The following SH3BP2 variants were observed in gnomAD, a reference collection of about 807,000 sequenced individuals.
SH3BP2 encodes the protein SH3 domain-binding protein 2.
Under a neutral mutation model 56.2 loss-of-function variants are expected in SH3BP2, and 38 were observed. That is an observed-to-expected ratio of 0.68 (90% CI 0.52 to 0.89). SH3BP2 has a LOEUF of 0.89. SH3BP2 is among the 40% of genes least tolerant of loss of function. The pLI is 0.00. For missense variants in SH3BP2, 748 were observed against 762.6 expected (o/e 0.98, Z 0.23); for synonymous variants, 346 against 316.7 (o/e 1.09, Z -0.98).
intron 1 of SH3BP2, among the ~76,000 whole-genome samples, chr4:2,806,658 C>T (rs1057459910): frequency 4.6e-5 from 7 of 152,206 alleles, no homozygotes; most frequent in African/African-American, 9.6e-5. Context: ...CCTGGAAGCC[C>T]GCCCTGGCCT....
At chr4:2,812,820 C>T (rs1040276714) in intron 1 of SH3BP2, among the ~76,000 whole-genome samples, 1 of 151,104 alleles carries the variant, frequency 6.6e-6, no homozygotes, top group Non-Finnish European at 1.5e-5. Flanking sequence ...ATACAGCCTG[C>T]AGGGTGGCCT....
intron 1 of SH3BP2, chr4:2,818,974 G>A (rs1305251498): frequency 3.4e-6 from 3 of 879,526 alleles, no homozygotes; most frequent in Non-Finnish European, 1.4e-6. Context: ...CAGCTCAGTT[G>A]CCCAGACTGG....
chr4:2,827,699 G>A, intron 7 of SH3BP2, 25 bp downstream of exon 7: 1 of 1,505,012 alleles, frequency 6.6e-7, no homozygotes, highest in South Asian at 1.2e-5. Flanking sequence ...TGGGCCCGGG[G>A]AGCTCTGGGT....
In SH3BP2 at chr4:2,838,173, A is replaced by G. The variant is rs1725300296; in HGVS notation, c.*4339A>G. ...AAAGTGAATAAAACATAAATGCACAACCTAACACACTGTTAGGAAGTGAAC... is the reference window on the plus strand; with the variant it reads ...AAAGTGAATAAAACATAAATGCACAGCCTAACACACTGTTAGGAAGTGAAC... On this transcript the variant is annotated 3_prime_UTR_variant, in exon 13 of 13. Transcript: ENST00000503393. 6.6e-6 allele frequency: 1 copy of G among 152,214 alleles called. No individual in the cohort carries two copies. The allele number at this position is 152,214 out of a possible 1,614,324, so 9.4% of individuals were successfully genotyped here. A position where few individuals can be genotyped will look rare whatever the true frequency, so the allele number is the denominator to read the frequency against.
intron 5 of SH3BP2, among the ~76,000 whole-genome samples, chr4:2,825,541 C>T (rs903316539): frequency 6.6e-6 from 1 of 151,996 alleles, no homozygotes; most frequent in Non-Finnish European, 1.5e-5. Flanking sequence ...CATGCACACA[C>T]ACACAGCAAC....
chr4:2,805,036 C>T (rs558731041), intron 1 of SH3BP2, among the ~76,000 whole-genome samples: 29 of 152,358 alleles, frequency 1.9e-4, no homozygotes, highest in Non-Finnish European at 2.5e-4. Context: ...GCCCTCCTAT[C>T]ACAAGAGGTG....
intron 11 of SH3BP2, 61 bp from the exon 12 acceptor site, chr4:2,832,929 C>T (rs1577372444): frequency 7.8e-6 from 12 of 1,531,512 alleles, no homozygotes; most frequent in Non-Finnish European, 1.1e-5. Context: ...AGCCCATGGT[C>T]TCCCGAGGCT....
chr4:2,801,857 C>T (rs1723294683), intron 1 of SH3BP2, among the ~76,000 whole-genome samples: 1 of 152,238 alleles, frequency 6.6e-6, no homozygotes, highest in Admixed American at 6.5e-5. Flanking sequence ...CCTGTAATCC[C>T]AGCACTTTGG....
intron 1 of SH3BP2, chr4:2,798,986 G>T: frequency 2.0e-6 from 2 of 985,758 alleles, no homozygotes; most frequent in Non-Finnish European, 2.4e-6. Flanking sequence ...CCCCCCAGGA[G>T]CTGCACGCAG....
In SH3BP2 at chr4:2,829,140, T is replaced by A. The variant is rs1457360977; in HGVS notation, c.587-353T>A. Among the ~76,000 whole-genome samples, 2 of 152,168 alleles carry A rather than the reference T, an allele frequency of 1.3e-5. No individual in the cohort carries two copies. Among genetic ancestry groups the A allele is most frequent in the Non-Finnish European group, 2.9e-5 (2 of 68,020 alleles). The stretch of plus-strand genomic sequence containing the variant: ...TGCTCCCCTCCCCTGTCCTTGGGAA[T>A]TCCGTCCTCCCTCTCGCTCCAGCCG... On this transcript the variant is annotated intron_variant, in intron 7 of 12. Coordinates refer to ENST00000503393, the MANE Select transcript of SH3BP2 (RefSeq NM_001122681.2). The surrounding 1 kb of genome is among the most constrained non-coding windows in gnomAD (Gnocchi z 4.9).
At chr4:2,832,100 C>T in intron 10 of SH3BP2, 122 bp downstream of exon 10, 1 of 1,127,434 alleles carries the variant, frequency 8.9e-7, no homozygotes, top group Non-Finnish European at 1.3e-6. Context: ...CTGCGTGCAG[C>T]AGAAACCAGA....
At position 2,836,920 on chromosome 4, in the gene SH3BP2, C is replaced by T. The variant is rs1479486237; in HGVS notation, c.*3086C>T. On this transcript the variant is annotated 3_prime_UTR_variant, in exon 13 of 13. Transcript: ENST00000503393. ...TCAGTTCTGGGGCTTGGGAAAAGGG[C>T]CCCAGTGGCTTTGGGAAGCACCCCC... 1.3e-5 allele frequency: 2 copies of T among 152,236 alleles called. No individual in the cohort carries two copies. Among genetic ancestry groups the T allele is most frequent in the African/African-American group, 4.8e-5 (2 of 41,458 alleles). The allele number at this position is 152,236 out of a possible 1,614,324, so 9.4% of individuals were successfully genotyped here. A position where few individuals can be genotyped will look rare whatever the true frequency, so the allele number is the denominator to read the frequency against.
intron 8 of SH3BP2, among the ~76,000 whole-genome samples, chr4:2,830,550 CAG>C (rs987238298): frequency 2.6e-5 from 4 of 152,142 alleles, no homozygotes; most frequent in Admixed American, 6.5e-5. Context: ...TTAGTAGAGA[CAG>C]GGGTTTCACT....
At chr4:2,830,868 G>C (rs1724947750) in intron 8 of SH3BP2, among the ~76,000 whole-genome samples, 1 of 152,218 alleles carries the variant, frequency 6.6e-6, no homozygotes, top group Non-Finnish European at 1.5e-5. Context: ...GAATGCCCTT[G>C]CCCACGGTGC....
In SH3BP2 at chr4:2,838,505, T is replaced by C. The variant is rs1725310110; in HGVS notation, c.*4671T>C. Reference sequence around the variant, plus strand: ...TTCATTGCTAAAAACTTCCATTGTTTGGCTGTATCGTAGTTCACAGATTCA... The same window carrying C: ...TTCATTGCTAAAAACTTCCATTGTTCGGCTGTATCGTAGTTCACAGATTCA... On this transcript the variant is annotated 3_prime_UTR_variant, in exon 13 of 13. Coordinates refer to ENST00000503393, the MANE Select transcript of SH3BP2 (RefSeq NM_001122681.2). The C allele has an allele frequency of 6.6e-6, 1 of 152,244 alleles. No individual in the cohort carries two copies. Among genetic ancestry groups the C allele is most frequent in the Non-Finnish European group, 1.5e-5 (1 of 68,040 alleles). The allele number at this position is 152,244 out of a possible 1,614,324, so 9.4% of individuals were successfully genotyped here.
rs747966569 is a variant in SH3BP2 at position 2,829,892 on chromosome 4, G to A, written c.986G>A (p.Arg329Lys). The A allele has an allele frequency of 6.2e-7, 1 of 1,613,798 alleles. No individual in the cohort carries two copies. The highest frequency in any genetic ancestry group is 1.3e-5 in the African/African-American group (1 of 74,936). Residue 329 changes from arginine to lysine, a missense_variant, in exon 8 of 13, where the codon AGA becomes AAA. Coordinates refer to ENST00000503393, the MANE Select transcript of SH3BP2 (RefSeq NM_001122681.2). The surrounding 1 kb of genome is among the most constrained non-coding windows in gnomAD (Gnocchi z 4.9). ...GCCATCATGGCCACTGCCACCTCCA[G>A]AAACTGTGACAAACTCAAGTCCTTC... ...SAAIMATATS[R>K]NCDKLKSFHL...
intron 3 of SH3BP2, among the ~76,000 whole-genome samples, chr4:2,823,736 T>C (rs947158118): frequency 5.3e-5 from 8 of 152,206 alleles, no homozygotes; most frequent in Non-Finnish European, 1.0e-4. Flanking sequence ...TTACCACCCC[T>C]TAAGGGCCCA....
At chr4:2,826,886 C>A in intron 5 of SH3BP2, 1 of 508,902 alleles carries the variant, frequency 2.0e-6, no homozygotes, top group Non-Finnish European at 3.8e-6. Flanking sequence ...CATGTCTGCG[C>A]GTGTCCCTGT....
In SH3BP2 at chr4:2,826,295, CTCTGTGTGTGTGT is replaced by C. The variant is rs1724616962; in HGVS notation, c.429-934_429-922del. The C allele has an allele frequency of 5.7e-5, 2 of 34,846 alleles. 1 individual carries two copies. The highest frequency in any genetic ancestry group is 7.9e-4 in the Admixed American group (2 of 2,520). The allele number at this position is 34,846 out of a possible 1,614,324, so 2.2% of individuals were successfully genotyped here. ...TGTGTGTGTGCATGTCCGCGTGTTG[CTCTGTGTGTGTGT>C]GTGCAATGTCCACGTGTTGCTCTGT... On this transcript the variant is annotated intron_variant, in intron 5 of 12. Transcript: ENST00000503393.
Sources: gnomAD v4.1 joint callset for allele counts (sites outside exome capture counted in the v4.1 genomes callset) on GRCh38, gnomAD v4.1.1 for gene constraint, Gnocchi (gnomAD v3.1) non-coding constraint, MANE v1.5 for transcripts, NCBI Gene and HGNC (gene_info 2026-07-23, HGNC 2026-07-21) for gene names.